Variants in DLGAP2 observed in about 807,000 individuals in gnomAD.
The protein encoded by DLGAP2 is disks large-associated protein 2.
In DLGAP2, 26 loss-of-function variants were observed where a neutral mutation model predicts 100.3. The ratio of observed to expected loss-of-function variants is 0.26; its 90% CI spans 0.19 to 0.36. The LOEUF (loss-of-function observed/expected upper bound fraction) is 0.36. Ranked by LOEUF, DLGAP2 falls within the 10% of genes least tolerant of loss-of-function variation. The pLI is 1.00. For synonymous variants in DLGAP2, 886 were observed against 630.1 expected (o/e 1.41, Z -6.08); for missense variants, 1,858 against 1,453.2 (o/e 1.28, Z -4.53).
intron 3 of DLGAP2, among the ~76,000 whole-genome samples, chr8:1,428,741 A>C (rs1584890521): frequency 1.3e-5 from 2 of 152,236 alleles, no homozygotes; most frequent in East Asian, 1.9e-4. Context: ...AAATGTGTCA[A>C]GTGGAAGCTT....
chr8:1,162,202 C>G (rs978902482), intron 2 of DLGAP2, among the ~76,000 whole-genome samples: 1 of 152,176 alleles, frequency 6.6e-6, no homozygotes, highest in Non-Finnish European at 1.5e-5. Flanking sequence ...AGGGAGGCGG[C>G]GATTCATCCA....
intron 2 of DLGAP2, among the ~76,000 whole-genome samples, chr8:979,022 C>G (rs1385578501): frequency 1.3e-5 from 2 of 152,138 alleles, no homozygotes; most frequent in Non-Finnish European, 2.9e-5. Context: ...CCAGCTTGTT[C>G]CCACACTTCA....
chr8:809,534 G>T (rs1290242485), intron 1 of DLGAP2, among the ~76,000 whole-genome samples: 9 of 151,696 alleles, frequency 5.9e-5, no homozygotes, highest in Non-Finnish European at 1.3e-4. Flanking sequence ...CACAGCATGA[G>T]TCTGTCTAGT....
chr8:1,164,125 G>GTCGTTTTGGTTTGTGGGGACAGATTTT (rs1796950195), intron 2 of DLGAP2, among the ~76,000 whole-genome samples: 1 of 54,180 alleles, frequency 1.8e-5, no homozygotes, highest in Non-Finnish European at 3.9e-5. Context: ...CGCAGGGCCC[G>GTCGTTTTGGTTTGTGGGGACAGATTTT]TCATTTTGGT....
At position 883,619 on chromosome 8, in the gene DLGAP2, G is replaced by A. The variant is rs541320810; in HGVS notation, c.19-24293G>A. 8.1e-3 allele frequency among the ~76,000 whole-genome samples: 1,213 copies of A among 150,622 alleles called. 18 individuals are homozygous for A. The highest frequency in any genetic ancestry group is 0.027 in the African/African-American group (1,108 of 40,450). ...TACATAGGAACGCGTGTGCCGCGGCGGTTCGTTACGTAGGAGCGCGGGTGC... is the reference window on the plus strand; with the variant it reads ...TACATAGGAACGCGTGTGCCGCGGCAGTTCGTTACGTAGGAGCGCGGGTGC... On this transcript the variant is annotated intron_variant, in intron 1 of 14. Coordinates refer to ENST00000637795, the MANE Select transcript of DLGAP2 (RefSeq NM_001346810.2).
intron 5 of DLGAP2, among the ~76,000 whole-genome samples, chr8:1,565,304 C>CT (rs5888845): frequency 3.4e-5 from 5 of 147,892 alleles, no homozygotes; most frequent in Non-Finnish European, 4.5e-5. Flanking sequence ...CCCTTGTTTT[C>CT]TTTTTTTTTT....
chr8:1,657,202 C>T (rs1798304322), intron 8 of DLGAP2, among the ~76,000 whole-genome samples: 1 of 152,064 alleles, frequency 6.6e-6, no homozygotes, highest in South Asian at 2.1e-4. Context: ...TTATATAATC[C>T]CATGTGGTTG....
chr8:1,324,153 T>C (rs1382456792), intron 3 of DLGAP2, among the ~76,000 whole-genome samples: 1 of 152,204 alleles, frequency 6.6e-6, no homozygotes. Flanking sequence ...AGTCTGTATT[T>C]TGAATATGGA....
At chr8:840,631 G>A (rs6559194) in intron 1 of DLGAP2, among the ~76,000 whole-genome samples, 30,650 of 72,324 alleles carry the variant, frequency 0.42, 6,954 homozygotes, top group Middle Eastern at 0.63. Context: ...CACGGTGCAC[G>A]CCTGCATGTC....
chr8:796,041 CGTCCAGTGAGAGCAGCT>C (rs1563035212), intron 1 of DLGAP2, among the ~76,000 whole-genome samples: 8 of 110,170 alleles, frequency 7.3e-5, no homozygotes, highest in Non-Finnish European at 1.5e-4. Flanking sequence ...TGAGAGCAGG[CGTCCAGTGAGAGCAGCT>C]GTCCAGTGAG....
chr8:1,005,805 T>C (rs1801092352), intron 2 of DLGAP2, among the ~76,000 whole-genome samples: 1 of 152,112 alleles, frequency 6.6e-6, no homozygotes, highest in African/African-American at 2.4e-5. Context: ...TTGTATTGAG[T>C]GTCCCTGTTG....
intron 3 of DLGAP2, among the ~76,000 whole-genome samples, chr8:1,436,000 A>C (rs960753807): frequency 4.6e-5 from 7 of 152,220 alleles, no homozygotes; most frequent in African/African-American, 1.7e-4. Flanking sequence ...CAAGAGAGTC[A>C]AACAGTTTTA....
Position 1,418,132 on chromosome 8 carries a change from G to T in DLGAP2, c.107-83234G>T, listed in dbSNP as rs540918434. ...CAAATAAAAGATCTCCAGCCATACA[G>T]TGTGGCCTCATGCACAGCATTCTCC... On this transcript the variant is annotated intron_variant, in intron 3 of 14. Transcript: ENST00000637795. Among the ~76,000 whole-genome samples the T allele has an allele frequency of 5.9e-5, 9 of 152,312 alleles. No homozygotes were observed. In the South Asian group the frequency reaches 1.2e-3, roughly 21 times the overall value.
At chr8:984,098 C>G (rs899981368) in intron 2 of DLGAP2, among the ~76,000 whole-genome samples, 1 of 152,146 alleles carries the variant, frequency 6.6e-6, no homozygotes, top group African/African-American at 2.4e-5. Context: ...CTGTCCCTAC[C>G]TCGTAGCAGG....
At chr8:1,496,509 G>T (rs1265063609) in intron 3 of DLGAP2, among the ~76,000 whole-genome samples, 1 of 152,152 alleles carries the variant, frequency 6.6e-6, no homozygotes, top group Non-Finnish European at 1.5e-5. Context: ...CACTGCCCGA[G>T]TCTCCCTTCC....
chr8:908,864 T>C (rs1035645064), intron 2 of DLGAP2, among the ~76,000 whole-genome samples: 1 of 152,218 alleles, frequency 6.6e-6, no homozygotes, highest in Non-Finnish European at 1.5e-5. Context: ...TGACATTTTC[T>C]TACTTGTTTT....
intron 2 of DLGAP2, among the ~76,000 whole-genome samples, chr8:1,101,208 A>G (rs1218245307): frequency 6.6e-6 from 1 of 152,208 alleles, no homozygotes; most frequent in Non-Finnish European, 1.5e-5. Flanking sequence ...GGGGATCTGG[A>G]AGAACTGCCG....
intron 2 of DLGAP2, among the ~76,000 whole-genome samples, chr8:967,313 C>T (rs1348187011): frequency 6.6e-6 from 1 of 152,190 alleles, no homozygotes; most frequent in African/African-American, 2.4e-5. Flanking sequence ...AGCGCATATC[C>T]CTTTCGAACA....
intron 6 of DLGAP2, among the ~76,000 whole-genome samples, chr8:1,575,817 G>T (rs185490634): frequency 6.6e-6 from 1 of 151,418 alleles, no homozygotes; most frequent in Non-Finnish European, 1.5e-5. Flanking sequence ...TTATGGCTGC[G>T]TAGTTTTCCA....
Sources: allele counts gnomAD v4.1 joint callset (sites outside exome capture counted in the v4.1 genomes callset), GRCh38; gene constraint gnomAD v4.1.1; transcripts MANE v1.5; gene names NCBI Gene and HGNC (gene_info 2026-07-23, HGNC 2026-07-21).